MACROD2: variants seen among roughly 807,000 people sequenced by gnomAD.
MACROD2 encodes mono-ADP ribosylhydrolase 2.
A neutral mutation model predicts 70.4 loss-of-function variants in MACROD2; 36 were observed. The ratio of observed to expected loss-of-function variants is 0.51; its 90% CI spans 0.39 to 0.68. The LOEUF (loss-of-function observed/expected upper bound fraction) is 0.68, where lower values mean the gene tolerates loss of function less well. Ranked by LOEUF, MACROD2 falls within the 30% of genes least tolerant of loss-of-function variation. The probability of loss-of-function intolerance (pLI) is 0.00; values close to 1 mark genes in which losing one functional copy is unlikely to be tolerated. For missense variants in MACROD2, 496 were observed against 538.4 expected, an observed-to-expected ratio of 0.92 and a Z score of 0.78; for synonymous variants, 172 against 178.8, an observed-to-expected ratio of 0.96 and a Z score of 0.30.
intron 8 of MACROD2, among the ~76,000 whole-genome samples, chr20:15,850,484 C>T (rs972424013): frequency 6.6e-6 from 1 of 152,250 alleles, no homozygotes; most frequent in Non-Finnish European, 1.5e-5. Flanking sequence ...ATGAACAGGG[C>T]ACCTCAGTGC....
intron 4 of MACROD2, among the ~76,000 whole-genome samples, chr20:14,656,137 T>C (rs1985962997): frequency 6.6e-6 from 1 of 152,204 alleles, no homozygotes. Flanking sequence ...TCCATTTCTC[T>C]TTTCTACCAG....
At chr20:14,529,389 GT>G (rs2123202209) in intron 4 of MACROD2, among the ~76,000 whole-genome samples, 1 of 152,238 alleles carries the variant, frequency 6.6e-6, no homozygotes, top group South Asian at 2.1e-4. Context: ...TGTCTTCAGG[GT>G]TTTCACCTCG....
intron 6 of MACROD2, among the ~76,000 whole-genome samples, chr20:15,415,532 G>A (rs940826074): frequency 3.3e-5 from 5 of 152,196 alleles, no homozygotes; most frequent in Admixed American, 2.0e-4. Context: ...ACACTTGGCT[G>A]TAGTAAGTTT....
At chr20:14,874,043 G>GTGT (rs1462957590) in intron 5 of MACROD2, among the ~76,000 whole-genome samples, 4 of 152,038 alleles carry the variant, frequency 2.6e-5, no homozygotes, top group African/African-American at 9.7e-5. Context: ...AAGTAAAGAC[G>GTGT]TGTTAGGCCA....
chr20:15,111,463 C>T (rs1428977333), intron 5 of MACROD2, among the ~76,000 whole-genome samples: 1 of 152,096 alleles, frequency 6.6e-6, no homozygotes, highest in Admixed American at 6.5e-5. Context: ...AGCCACTGCG[C>T]CTGGCCCTCT....
chr20:13,996,792 C>T (rs1311386445), intron 1 of MACROD2, among the ~76,000 whole-genome samples: 2 of 152,198 alleles, frequency 1.3e-5, no homozygotes, highest in South Asian at 2.1e-4. Context: ...AAACTTCTTG[C>T]ACTCCTATTG....
chr20:15,051,393 T>A (rs1404835557), intron 5 of MACROD2, among the ~76,000 whole-genome samples: 3 of 96,602 alleles, frequency 3.1e-5, no homozygotes, highest in African/African-American at 1.2e-4. Context: ...TGTGTGTGTG[T>A]GTGTGTCATA....
intron 6 of MACROD2, among the ~76,000 whole-genome samples, chr20:15,345,519 C>T (rs535558560): frequency 1.3e-5 from 2 of 152,256 alleles, no homozygotes; most frequent in East Asian, 1.9e-4. Context: ...AATCTGTGCC[C>T]TTTGACATTT....
chr20:14,050,425 C>T (rs1236748679), intron 2 of MACROD2, among the ~76,000 whole-genome samples: 1 of 152,206 alleles, frequency 6.6e-6, no homozygotes, highest in Non-Finnish European at 1.5e-5. Flanking sequence ...CACACTAAAA[C>T]ATGCTGCTTG....
At chr20:15,524,217 C>A (rs928948314) in intron 8 of MACROD2, among the ~76,000 whole-genome samples, 2 of 151,902 alleles carry the variant, frequency 1.3e-5, no homozygotes, top group Non-Finnish European at 2.9e-5. Context: ...GTGCCAGGCT[C>A]TCAGATTTGA....
chr20:14,932,058 C>A (rs1042120321), intron 5 of MACROD2, among the ~76,000 whole-genome samples: 1 of 149,748 alleles, frequency 6.7e-6, no homozygotes, highest in African/African-American at 2.5e-5. Flanking sequence ...AGTTAATAAT[C>A]TAGGGCTTTA....
intron 8 of MACROD2, among the ~76,000 whole-genome samples, chr20:15,508,892 G>C (rs1246618584): frequency 6.6e-6 from 1 of 152,200 alleles, no homozygotes; most frequent in Non-Finnish European, 1.5e-5. Context: ...AACCCATTCT[G>C]TTGGCTCAAG....
chr20:14,425,758 C>G (rs113154255), intron 3 of MACROD2, among the ~76,000 whole-genome samples: 1 of 152,086 alleles, frequency 6.6e-6, no homozygotes, highest in East Asian at 1.9e-4. Flanking sequence ...GGGGACTCTT[C>G]GCATCTTTCC....
chr20:15,412,143 G>A (rs2046087155), intron 6 of MACROD2, among the ~76,000 whole-genome samples: 1 of 152,184 alleles, frequency 6.6e-6, no homozygotes, highest in Non-Finnish European at 1.5e-5. Flanking sequence ...AAAGGTGCAA[G>A]TGCTGTTGGA....
At chr20:15,894,604 G>T (rs993188740) in intron 10 of MACROD2, among the ~76,000 whole-genome samples, 1 of 152,108 alleles carries the variant, frequency 6.6e-6, no homozygotes, top group African/African-American at 2.4e-5. Context: ...CACAGAAACA[G>T]ATGTGACCCC....
intron 8 of MACROD2, among the ~76,000 whole-genome samples, chr20:15,787,907 G>T (rs1256233014): frequency 3.3e-5 from 5 of 151,998 alleles, no homozygotes; most frequent in African/African-American, 1.2e-4. Context: ...TGAATTTGGG[G>T]GAATTGCAAT....
intron 17 of MACROD2, among the ~76,000 whole-genome samples, chr20:16,047,477 A>G (rs2067398467): frequency 6.6e-6 from 1 of 152,196 alleles, no homozygotes; most frequent in South Asian, 2.1e-4. Flanking sequence ...TTGGTTCTGG[A>G]GAAACATGGC....
chr20:14,841,440 T>A (rs1163239583), intron 5 of MACROD2, among the ~76,000 whole-genome samples: 1 of 152,106 alleles, frequency 6.6e-6, no homozygotes, highest in Non-Finnish European at 1.5e-5. Context: ...AAGTAATGGA[T>A]CTTTGAAATA....
intron 8 of MACROD2, among the ~76,000 whole-genome samples, chr20:15,635,870 C>A (rs1310958624): frequency 3.3e-5 from 5 of 151,802 alleles, no homozygotes; most frequent in Non-Finnish European, 7.4e-5. Context: ...GAGTTTGAGA[C>A]CAGCCTGGCC....
Sources: gnomAD v4.1 joint callset for allele counts (sites outside exome capture counted in the v4.1 genomes callset) on GRCh38, gnomAD v4.1.1 for gene constraint, MANE v1.5 for transcripts, NCBI Gene and HGNC (gene_info 2026-07-23, HGNC 2026-07-21) for gene names.